ZC3H12B: variants seen among roughly 807,000 people sequenced by gnomAD.
The protein encoded by ZC3H12B is zinc finger CCCH-type containing 12B.
Under a neutral mutation model 43.9 loss-of-function variants are expected in ZC3H12B, and 7 were observed. That is an observed-to-expected ratio of 0.16 (90% CI 0.09 to 0.30). ZC3H12B has a LOEUF of 0.30. Among genes scored for constraint, ZC3H12B ranks in the 10% least tolerant of loss-of-function variants. ZC3H12B has a pLI of 1.00. For missense variants in ZC3H12B, 475 were observed against 670.2 expected (o/e 0.71, Z 3.22); for synonymous variants, 222 against 241.7 (o/e 0.92, Z 0.76).
the ZC3H12B span, among the ~76,000 whole-genome samples, chrX:65,116,036 G>C: frequency 1.8e-5 from 2 of 111,581 alleles, no homozygotes; most frequent in Non-Finnish European, 3.8e-5. Context: ...TTACTGTGCA[G>C]AAGCTTTTTA....
chrX:65,453,389 TA>T (rs1244343566), intron 3 of ZC3H12B, among the ~76,000 whole-genome samples: 1 of 86,687 alleles, frequency 1.2e-5, no homozygotes, highest in Non-Finnish European at 2.3e-5. Context: ...TATATATATA[TA>T]TATATATATA....
intron 3 of ZC3H12B, among the ~76,000 whole-genome samples, chrX:65,417,548 AT>A (rs1350356304): frequency 4.5e-5 from 5 of 112,342 alleles, no homozygotes; most frequent in Non-Finnish European, 9.4e-5. Flanking sequence ...GTCCTTCTGG[AT>A]TTTAAGTGTA....
At chrX:65,058,967 C>A in the ZC3H12B span, among the ~76,000 whole-genome samples, 1 of 111,997 alleles carries the variant, frequency 8.9e-6, no homozygotes, top group African/African-American at 3.2e-5. Context: ...TTCCAGGTGC[C>A]GTCTGTCATT....
At chrX:65,189,866 C>G in the ZC3H12B span, among the ~76,000 whole-genome samples, 1 of 109,405 alleles carries the variant, frequency 9.1e-6, no homozygotes, top group African/African-American at 3.5e-5. Context: ...ACATGAAGTC[C>G]TTGCCCATGC....
chrX:65,090,990 C>T, the ZC3H12B span, among the ~76,000 whole-genome samples: 2 of 111,365 alleles, frequency 1.8e-5, no homozygotes, highest in Non-Finnish European at 3.8e-5. Context: ...CATTTCACAC[C>T]ATGATTATAA....
chrX:65,260,956 G>T, the ZC3H12B span, among the ~76,000 whole-genome samples: 2 of 111,716 alleles, frequency 1.8e-5, no homozygotes, highest in Non-Finnish European at 3.8e-5. Flanking sequence ...GATAACTAAT[G>T]TAAAGCCATA....
At chrX:65,344,171 A>T in the ZC3H12B span, among the ~76,000 whole-genome samples, 4 of 112,360 alleles carry the variant, frequency 3.6e-5, no homozygotes, top group African/African-American at 1.3e-4. Flanking sequence ...ATGCTCAAAG[A>T]AATCAGAGAT....
chrX:65,420,380 G>A (rs1417704225), intron 3 of ZC3H12B, among the ~76,000 whole-genome samples: 2 of 112,409 alleles, frequency 1.8e-5, no homozygotes, highest in African/African-American at 6.5e-5. Flanking sequence ...CAATAGGCCA[G>A]CCCACCTGAG....
At chrX:65,105,881 G>T in the ZC3H12B span, among the ~76,000 whole-genome samples, 1 of 111,658 alleles carries the variant, frequency 9.0e-6, no homozygotes, top group Non-Finnish European at 1.9e-5. Flanking sequence ...GACACTGCAT[G>T]CTGCTGTTCA....
At chrX:65,356,553 T>C in the ZC3H12B span, among the ~76,000 whole-genome samples, 1 of 112,404 alleles carries the variant, frequency 8.9e-6, no homozygotes. Flanking sequence ...GCCAAAAAAA[T>C]TCCTTCATTG....
the ZC3H12B span, among the ~76,000 whole-genome samples, chrX:65,087,650 G>T: frequency 1.8e-5 from 2 of 111,723 alleles, no homozygotes; most frequent in South Asian, 7.5e-4. Flanking sequence ...GCATGAAAAT[G>T]AGACTTTGGA....
chrX:65,400,476 A>G (rs2066750163), intron 3 of ZC3H12B, among the ~76,000 whole-genome samples: 1 of 112,137 alleles, frequency 8.9e-6, no homozygotes. Context: ...TGTTATTTTT[A>G]GACAGTAATG....
At chrX:65,115,151 C>A in the ZC3H12B span, among the ~76,000 whole-genome samples, 1 of 107,937 alleles carries the variant, frequency 9.3e-6, no homozygotes, top group African/African-American at 3.4e-5. Context: ...GTGCACCCAT[C>A]ATCCAAGCCG....
chrX:65,180,641 T>C, the ZC3H12B span, among the ~76,000 whole-genome samples: 1 of 111,203 alleles, frequency 9.0e-6, no homozygotes, highest in Non-Finnish European at 1.9e-5. Flanking sequence ...GAGAGCCAAA[T>C]CATGAGTAAA....
chrX:65,439,316 C>G (rs918363768), intron 3 of ZC3H12B, among the ~76,000 whole-genome samples: 1 of 111,966 alleles, frequency 8.9e-6, no homozygotes, highest in African/African-American at 3.2e-5. Context: ...TTTTGCCATA[C>G]TTCTTATTAT....
chrX:65,220,885 C>T, the ZC3H12B span, among the ~76,000 whole-genome samples: 1 of 111,591 alleles, frequency 9.0e-6, no homozygotes, highest in African/African-American at 3.3e-5. Context: ...TACCCAACAA[C>T]TGCAGAATAT....
chrX:65,398,998 G>A lies in ZC3H12B; in HGVS notation n.407+294G>A, dbSNP rs761914106. Among the ~76,000 whole-genome samples the A allele has an allele frequency of 8.1e-5, 9 of 111,722 alleles. No individual in the cohort carries two copies. The South Asian group carries it at 1.9e-3, about 23-fold the overall frequency. ...ATGCAGAAGAATGAAATTAGATCCC[G>A]GTCTCTCACCATATACAAAAGTCAA... On this transcript the variant is annotated intron_variant and non_coding_transcript_variant, in intron 3 of 5. Coordinates refer to the ZC3H12B transcript ENST00000617377.
chrX:65,215,083 A>G, the ZC3H12B span, among the ~76,000 whole-genome samples: 9 of 111,874 alleles, frequency 8.0e-5, no homozygotes, highest in African/African-American at 2.9e-4. Context: ...ACAATGCTAT[A>G]AACAGATGTA....
intron 3 of ZC3H12B, among the ~76,000 whole-genome samples, chrX:65,470,847 C>G (rs1030933441): frequency 8.9e-6 from 1 of 111,850 alleles, no homozygotes; most frequent in Admixed American, 9.5e-5. Context: ...TTGAGGATTC[C>G]TTTTGGACTT....
Sources: allele counts gnomAD v4.1 joint callset (sites outside exome capture counted in the v4.1 genomes callset), GRCh38; gene constraint gnomAD v4.1.1; transcripts MANE v1.5; gene names NCBI Gene and HGNC (gene_info 2026-07-23, HGNC 2026-07-21).